Variants in PTPRC observed in about 807,000 individuals in gnomAD.
PTPRC encodes the protein receptor-type tyrosine-protein phosphatase C.
Under a neutral mutation model 155.9 loss-of-function variants are expected in PTPRC, and 44 were observed. The observed-to-expected ratio is 0.28, with a 90% CI of 0.22 to 0.36. The LOEUF (loss-of-function observed/expected upper bound fraction) is 0.36, where lower values mean the gene tolerates loss of function less well. PTPRC is among the 10% of genes least tolerant of loss of function. The pLI is 1.00. For missense variants in PTPRC, 1,401 were observed against 1,564.6 expected, an observed-to-expected ratio of 0.90 and a Z score of 1.76; for synonymous variants, 525 against 533.1, an observed-to-expected ratio of 0.98 and a Z score of 0.21.
chr1:198,710,953 C>T (rs1653268046), intron 11 of PTPRC, among the ~76,000 whole-genome samples: 2 of 152,292 alleles, frequency 1.3e-5, no homozygotes, highest in Middle Eastern at 3.4e-3. Context: ...CTCCTGGGTT[C>T]AAGCAATTCT....
chr1:198,718,175 G>T lies in PTPRC; in HGVS notation c.1532G>T (p.Arg511Leu). ...GTCAAGTGTAGGCCTCCCAGGGACC[G>T]TAATGGCCCCCATGAACGTTACCAT... ...MHVKCRPPRD[R>L]NGPHERYHLE... Residue 511 changes from arginine to leucine, a missense_variant, in exon 14 of 33, where the codon CGT becomes CTT. Physicochemically the swap from Arg to Leu is moderately radical, Grantham distance 102. Around this residue, in one of 3 missense-constraint regions of PTPRC, gnomAD observed 867 missense variants for 970.4 expected, o/e 0.89. Transcript: ENST00000442510. The T allele has an allele frequency of 6.2e-7, 1 of 1,613,286 alleles. No homozygotes were observed. Among genetic ancestry groups the T allele is most frequent in the Non-Finnish European group, 8.5e-7 (1 of 1,179,284 alleles).
chr1:198,691,503 C>T (rs992921496), intron 2 of PTPRC, among the ~76,000 whole-genome samples: 1 of 152,018 alleles, frequency 6.6e-6, no homozygotes, highest in African/African-American at 2.4e-5. Context: ...CTACGTAGGA[C>T]ATCATCTCTG....
intron 23 of PTPRC, among the ~76,000 whole-genome samples, chr1:198,738,653 A>G (rs1304040905): frequency 1.3e-5 from 2 of 151,660 alleles, no homozygotes; most frequent in African/African-American, 2.4e-5. Context: ...TCAGAGTAAT[A>G]CTGGCCTTGC....
At chr1:198,660,737 T>G in intron 2 of PTPRC, 1 of 152,310 alleles carries the variant, frequency 6.6e-6, no homozygotes, top group South Asian at 2.1e-4. Flanking sequence ...GAAATCTAAG[T>G]AACTTTGACA....
At chr1:198,730,773 G>T (rs1191904539) in intron 17 of PTPRC, among the ~76,000 whole-genome samples, 1 of 152,080 alleles carries the variant, frequency 6.6e-6, no homozygotes, top group African/African-American at 2.4e-5. Context: ...ACAACCTAAA[G>T]AAACAATTGC....
intron 23 of PTPRC, among the ~76,000 whole-genome samples, chr1:198,740,095 T>C (rs2102508820): frequency 6.6e-6 from 1 of 151,554 alleles, no homozygotes; most frequent in Admixed American, 6.6e-5. Flanking sequence ...TTTGTAAGAG[T>C]AAGCACCTAC....
intron 15 of PTPRC, among the ~76,000 whole-genome samples, chr1:198,725,027 CTT>C (rs1654067480): frequency 6.6e-6 from 1 of 152,128 alleles, no homozygotes; most frequent in South Asian, 2.1e-4. Flanking sequence ...GTCTTGAACT[CTT>C]GATCTCAAAT....
rs746951007 is a variant in PTPRC, at chr1:198,718,174, C to T, written c.1531C>T (p.Arg511Cys). The T allele has an allele frequency of 1.9e-5, 30 of 1,613,636 alleles. No homozygotes were observed. The highest frequency in any genetic ancestry group is 3.3e-5 in the Admixed American group (2 of 59,992). Residue 511 changes from arginine (R) to cysteine (C), a missense_variant, in exon 14 of 33, where the codon CGT becomes TGT. Arg to Cys is a radical substitution (Grantham distance 180, BLOSUM62 -3). Coordinates refer to ENST00000442510, the MANE Select transcript of PTPRC (RefSeq NM_002838.5). Reference sequence around the variant, plus strand: ...TGTCAAGTGTAGGCCTCCCAGGGACCGTAATGGCCCCCATGAACGTTACCA... The same window carrying T: ...TGTCAAGTGTAGGCCTCCCAGGGACTGTAATGGCCCCCATGAACGTTACCA... ...MHVKCRPPRDRNGPHERYHLE... is the reference protein window; with the variant it reads ...MHVKCRPPRDCNGPHERYHLE...
chr1:198,721,846 T>C (rs1278597664), intron 14 of PTPRC, among the ~76,000 whole-genome samples: 2 of 151,412 alleles, frequency 1.3e-5, no homozygotes, highest in Non-Finnish European at 3.0e-5. Context: ...TTTACTTAAA[T>C]TTTTTTGGTC....
rs141161594 is a variant in PTPRC at position 198,665,504 on chromosome 1, C to T, written c.73+26163C>T. On this transcript the variant is annotated intron_variant, in intron 2 of 32. Coordinates refer to ENST00000442510, the MANE Select transcript of PTPRC (RefSeq NM_002838.5). ...CAAAGATGGTGAAAAACTAGAACAG[C>T]CAGGTCCCCCAGGCATATACAGAGA... Among the ~76,000 whole-genome samples the T allele has an allele frequency of 3.5e-3, 526 of 152,218 alleles. 6 individuals carry two copies. Among genetic ancestry groups the T allele is most frequent in the African/African-American group, 0.011 (471 of 41,526 alleles).
At chr1:198,744,957 C>A (rs1655072953) in intron 26 of PTPRC, among the ~76,000 whole-genome samples, 1 of 151,642 alleles carries the variant, frequency 6.6e-6, no homozygotes, top group African/African-American at 2.4e-5. Context: ...CCAAGTGACT[C>A]AATCCCCCAG....
chr1:198,700,828 CACT>C (rs1666424273), intron 5 of PTPRC, among the ~76,000 whole-genome samples: 1 of 152,114 alleles, frequency 6.6e-6, no homozygotes, highest in South Asian at 2.1e-4. Flanking sequence ...CCATAACCAC[CACT>C]GAGAGTACCT....
Position 198,696,739 on chromosome 1 carries a change from T to C in PTPRC, c.128T>C (p.Val43Ala), listed in dbSNP as rs765181971. Reference sequence around the variant, plus strand: ...TTGACTACAGCAAAGATGCCCAGTGTTCCACTTTCAAGTGACCCCTTACCT... The same window carrying C: ...TTGACTACAGCAAAGATGCCCAGTGCTCCACTTTCAAGTGACCCCTTACCT... ...TGLTTAKMPSVPLSSDPLPTH... is the reference protein window; with the variant it reads ...TGLTTAKMPSAPLSSDPLPTH... The change falls in exon 4 of 33, where the codon GTT (valine) becomes GCT (alanine). Residue 43 changes from valine to alanine, a missense_variant. Physicochemically the swap from Val to Ala is moderately conservative, Grantham distance 64. Coordinates refer to ENST00000442510, the MANE Select transcript of PTPRC (RefSeq NM_002838.5). 1.9e-6 allele frequency: 3 copies of C among 1,614,052 alleles called. No homozygotes were observed. In the South Asian group the frequency reaches 3.3e-5, roughly 18 times the overall value.
intron 5 of PTPRC, chr1:198,700,133 A>G (rs1297313429): frequency 2.6e-5 from 5 of 194,200 alleles, no homozygotes; most frequent in Non-Finnish European, 5.4e-5. Flanking sequence ...TGAAACTGTT[A>G]TTTAAAGAAT....
intron 2 of PTPRC, chr1:198,679,980 C>G (rs955280737): frequency 1.5e-5 from 9 of 620,456 alleles, no homozygotes; most frequent in Non-Finnish European, 2.3e-5. Flanking sequence ...GCGAGTGCTG[C>G]GGCTGCCCGT....
intron 2 of PTPRC, among the ~76,000 whole-genome samples, chr1:198,676,749 A>G (rs926749070): frequency 2.0e-5 from 3 of 152,204 alleles, no homozygotes; most frequent in African/African-American, 7.2e-5. Context: ...CAAAAGGAAT[A>G]CGATAAAGTG....
chr1:198,711,043 A>T (rs1558014408), intron 11 of PTPRC, among the ~76,000 whole-genome samples: 1 of 151,996 alleles, frequency 6.6e-6, no homozygotes, highest in Non-Finnish European at 1.5e-5. Flanking sequence ...TTTAGTAGAG[A>T]TCAATCTCCT....
In PTPRC at chr1:198,755,901, A is replaced by G. The variant is rs1177239218; in HGVS notation, c.3646-5A>G. The stretch of plus-strand genomic sequence containing the variant: ...ATGTAATTTCCCACTTAATTCCTTT[A>G]CTAGGAGCAATATCAATTCCTATAT... On this transcript the variant is annotated splice_region_variant and splice_polypyrimidine_tract_variant and intron_variant, in intron 32 of 32. Transcript: ENST00000442510. 10 of 1,606,704 alleles carry G rather than the reference A, an allele frequency of 6.2e-6. No homozygotes were observed. Among genetic ancestry groups the G allele is most frequent in the Admixed American group, 3.3e-5 (2 of 59,856 alleles).
intron 17 of PTPRC, 90 bp from the exon 18 acceptor site, chr1:198,731,527 G>A: frequency 1.1e-6 from 1 of 936,046 alleles, no homozygotes. Flanking sequence ...AGAAGCTAAA[G>A]GATTGAGTAC....
Sources: gnomAD v4.1 joint callset for allele counts (sites outside exome capture counted in the v4.1 genomes callset) on GRCh38, gnomAD v4.1.1 for gene constraint, gnomAD v4.1.1 regional missense constraint, MANE v1.5 for transcripts, NCBI Gene and HGNC (gene_info 2026-07-23, HGNC 2026-07-21) for gene names.